TBATA: variants seen among roughly 807,000 people sequenced by gnomAD.
TBATA encodes thymus, brain and testes associated, also known as protein TBATA.
TBATA carries 47 observed loss-of-function variants against 38.7 expected under a neutral mutation model. That is an observed-to-expected ratio of 1.21 (90% CI 0.96 to 1.55). The LOEUF is 1.55. Ranked by LOEUF, TBATA falls within the 40% of genes most tolerant of loss-of-function variation. TBATA has a pLI of 0.00. For synonymous variants in TBATA, 183 were observed against 170.5 expected (o/e 1.07, Z -0.57); for missense variants, 436 against 435.6 (o/e 1.00, Z -0.01).
intron 1 of TBATA, 49 bp downstream of exon 1, chr10:70,785,236 C>T (rs1005719315): frequency 6.6e-6 from 1 of 152,434 alleles, no homozygotes; most frequent in African/African-American, 2.4e-5. Flanking sequence ...CTCTGCCCTT[C>T]TGGGCTGTCC....
In TBATA at chr10:70,772,505, G is replaced by A; in HGVS notation, c.973+9C>T. ...AGTCCCCCAAATGACCCACTACTTG[G>A]AATCTTACCTGGTTTTTCGCTTTTT... is the stretch of plus-strand genomic sequence containing the variant. On this transcript the variant is annotated intron_variant, in intron 10 of 10. Transcript: ENST00000456372. The A allele has an allele frequency of 6.2e-7, 1 of 1,614,052 alleles. No homozygotes were observed. Among genetic ancestry groups the A allele is most frequent in the South Asian group, 1.1e-5 (1 of 91,076 alleles).
At chr10:70,781,074 G>T (rs1415088985) in intron 4 of TBATA, among the ~76,000 whole-genome samples, 1 of 152,160 alleles carries the variant, frequency 6.6e-6, no homozygotes, top group Non-Finnish European at 1.5e-5. Context: ...TCTCCCTGAT[G>T]CCTTCTCCGT....
intron 5 of TBATA, among the ~76,000 whole-genome samples, chr10:70,778,969 C>T (rs973082557): frequency 1.3e-5 from 2 of 152,220 alleles, no homozygotes; most frequent in Non-Finnish European, 2.9e-5. Context: ...AGCTTTGCCT[C>T]TTTTAGGTCC....
At position 70,777,188 on chromosome 10, in the gene TBATA, C is replaced by T. The variant is rs369280065; in HGVS notation, c.658G>A (p.Val220Ile). The change falls in exon 7 of 11, where the codon GTC becomes ATC. Residue 220 changes from valine to isoleucine, a missense_variant. By Grantham distance (29) the Val-to-Ile change is conservative (BLOSUM62 3). Transcript: ENST00000456372. ...TGATCCTGAAGGAGGAAAGCCTGGA[C>T]TCCTTCATGTCTGCTGGAAGACTGA... is the stretch of plus-strand genomic sequence containing the variant. ...QSQSSSRHEG[V>I]QAFLLQDQEL... 2.5e-6 allele frequency: 4 copies of T among 1,613,314 alleles called. No individual in the cohort carries two copies. The highest frequency in any genetic ancestry group is 1.3e-5 in the African/African-American group (1 of 75,042).
intron 9 of TBATA, 106 bp from the exon 10 acceptor site, chr10:70,772,672 G>T: frequency 8.5e-7 from 1 of 1,181,602 alleles, no homozygotes; most frequent in Non-Finnish European, 1.3e-6. Flanking sequence ...GGTGCAGTCA[G>T]CTGTCTGCTC....
In TBATA at chr10:70,778,515, G is replaced by T. The variant is rs369250373; in HGVS notation, c.507+42C>A. On this transcript the variant is annotated intron_variant, in intron 6 of 10. Transcript: ENST00000456372. ...GATCTCCTTACACAGGGAAGGATCC[G>T]TTTCTCCTCTTCCCAGACTAGCTCC... The T allele has an allele frequency of 3.2e-6, 5 of 1,579,914 alleles. No homozygotes were observed. In the African/African-American group the frequency reaches 5.4e-5, roughly 17 times the overall value.
At chr10:70,780,148 G>A (rs910682459) in intron 4 of TBATA, among the ~76,000 whole-genome samples, 19 of 152,216 alleles carry the variant, frequency 1.2e-4, no homozygotes, top group African/African-American at 4.1e-4. Context: ...CATGATGGGA[G>A]AGGCCTGGGC....
In TBATA at chr10:70,781,930, C is replaced by T. The variant is rs755711430; in HGVS notation, c.148G>A (p.Glu50Lys). ...GTCCTCAATGCCCGGCGGATCCGCT[C>T]GAAATCCACAATCCCTGGGATCACC... ...ELVIPGIVDFERIRRALRTPK... is the reference protein window; with the variant it reads ...ELVIPGIVDFKRIRRALRTPK... Residue 50 changes from glutamate (E) to lysine (K), a missense_variant, in exon 4 of 11, where the codon GAG becomes AAG. By Grantham distance (56) the Glu-to-Lys change is moderately conservative (BLOSUM62 1). Transcript: ENST00000456372. 3.5e-5 allele frequency: 57 copies of T among 1,614,080 alleles called. No individual in the cohort carries two copies. In the East Asian group the frequency reaches 7.1e-4, roughly 20 times the overall value.
At chr10:70,780,454 T>C (rs1463500312) in intron 4 of TBATA, among the ~76,000 whole-genome samples, 1 of 151,680 alleles carries the variant, frequency 6.6e-6, no homozygotes, top group Non-Finnish European at 1.5e-5. Context: ...TCTGCCGACT[T>C]CTCATCTTCT....
At chr10:70,775,037 T>G (rs1843207742) in intron 8 of TBATA, 152 bp downstream of exon 8, 6 of 603,696 alleles carry the variant, frequency 9.9e-6, no homozygotes, top group African/African-American at 1.8e-5. Context: ...CTGGGAAGGG[T>G]TAGTTTGGGG....
Position 70,782,400 on chromosome 10 carries a change from C to T in TBATA, c.42-364G>A, listed in dbSNP as rs927613126. 1.6e-5 allele frequency: 21 copies of T among 1,309,520 alleles called. No individual in the cohort carries two copies. In the Admixed American group the frequency reaches 4.3e-4, roughly 27 times the overall value. The allele number at this position is 1,309,520 out of a possible 1,614,324, so 81.1% of individuals were successfully genotyped here. On this transcript the variant is annotated intron_variant, in intron 3 of 10. Transcript: ENST00000456372. ...TGGAGCAAAGTCACCTTATATACAT[C>T]CCTGGGGATGGGGATGGTCTCAACA...
intron 6 of TBATA, 25 bp downstream of exon 6, chr10:70,778,532 A>C (rs1232400835): frequency 3.7e-6 from 6 of 1,609,384 alleles, no homozygotes; most frequent in Non-Finnish European, 5.1e-6. Flanking sequence ...CTCTTCCCAG[A>C]CTAGCTCCTG....
chr10:70,782,833 T>C (rs967763866), intron 3 of TBATA, among the ~76,000 whole-genome samples: 1 of 152,170 alleles, frequency 6.6e-6, no homozygotes, highest in Admixed American at 6.5e-5. Context: ...CTGCATGCCC[T>C]TCTCACGGTG....
chr10:70,771,684 A>G (rs1019297036), intron 10 of TBATA, among the ~76,000 whole-genome samples: 8 of 152,178 alleles, frequency 5.3e-5, no homozygotes, highest in Admixed American at 2.6e-4. Flanking sequence ...TATCAATGAG[A>G]TGCCTACTCT....
Position 70,771,421 on chromosome 10 carries a change from G to A in TBATA, c.1014C>T (p.Ser338=). 6.2e-7 allele frequency: 1 copy of A among 1,614,162 alleles called. No homozygotes were observed. The highest frequency in any genetic ancestry group is 1.1e-5 in the South Asian group (1 of 91,080). ...GEAQVLQMHS[S]QNTEKKTSKP... ...TCGATGTCTTCTTCTCTGTGTTCTG[G>A]CTTGAATGCATCTGGAGGACTTGAG... The change falls in exon 11 of 11, where the codon AGC becomes AGT. Residue 338 remains serine (S), a synonymous_variant. Coordinates refer to ENST00000456372, the MANE Select transcript of TBATA (RefSeq NM_001318241.2).
intron 1 of TBATA, among the ~76,000 whole-genome samples, chr10:70,785,065 GAC>G (rs1372231325): frequency 6.6e-6 from 1 of 152,204 alleles, no homozygotes; most frequent in Non-Finnish European, 1.5e-5. Context: ...GGCTGACAGG[GAC>G]TCTAGTAGGC....
rs1251932404 is a variant in TBATA at position 70,778,643 on chromosome 10, G to A, written c.428-7C>T. ...AACTCCTTCTTCCAGGCTTCTGGGA[G>A]GAGGGGACAAGGTCCTGCCAACTGA... On this transcript the variant is annotated splice_polypyrimidine_tract_variant and splice_region_variant and intron_variant, in intron 5 of 10. Coordinates refer to ENST00000456372, the MANE Select transcript of TBATA (RefSeq NM_001318241.2). The A allele has an allele frequency of 2.5e-6, 4 of 1,614,056 alleles. No homozygotes were observed. Among genetic ancestry groups the A allele is most frequent in the Non-Finnish European group, 3.4e-6 (4 of 1,179,954 alleles).
rs902915984 is a variant in TBATA at position 70,785,327 on chromosome 10, G to C, written c.-316C>G. ...CAGCATGTGTACGAGAAGCCCTGCT[G>C]TCCTAGCAGGAAGGAGCAAGAGGAC... On this transcript the variant is annotated 5_prime_UTR_variant, in exon 1 of 11. Coordinates refer to ENST00000456372, the MANE Select transcript of TBATA (RefSeq NM_001318241.2). 6.6e-6 allele frequency: 1 copy of C among 152,414 alleles called. No homozygotes were observed. Among genetic ancestry groups the C allele is most frequent in the Non-Finnish European group, 1.5e-5 (1 of 68,174 alleles). The allele number at this position is 152,414 out of a possible 1,614,324, so 9.4% of individuals were successfully genotyped here.
chr10:70,771,606 G>A, intron 10 of TBATA, 145 bp from the exon 11 acceptor site: 1 of 712,244 alleles, frequency 1.4e-6, no homozygotes, highest in South Asian at 1.8e-5. Flanking sequence ...ACCGAGGAGG[G>A]AATCCAACCT....
Sources: allele counts gnomAD v4.1 joint callset (sites outside exome capture counted in the v4.1 genomes callset), GRCh38; gene constraint gnomAD v4.1.1; transcripts MANE v1.5; gene names NCBI Gene and HGNC (gene_info 2026-07-23, HGNC 2026-07-21).